Variants in PDZD2 observed in about 807,000 individuals in gnomAD.
The protein encoded by PDZD2 is PDZ domain-containing protein 2.
Under a neutral mutation model 220.7 loss-of-function variants are expected in PDZD2, and 90 were observed. That is an observed-to-expected ratio of 0.41 (90% confidence interval 0.34 to 0.49). PDZD2 has a LOEUF of 0.49. PDZD2 is among the 20% of genes least tolerant of loss of function. The pLI is 0.28. For missense variants in PDZD2, 3,174 were observed against 3,608.5 expected, an observed-to-expected ratio of 0.88 and a Z score of 3.08; for synonymous variants, 1,375 against 1,450.5, an observed-to-expected ratio of 0.95 and a Z score of 1.18.
chr5:31,833,984 C>T (rs1377532264), intron 2 of PDZD2, among the ~76,000 whole-genome samples: 1 of 152,228 alleles, frequency 6.6e-6, no homozygotes, highest in Non-Finnish European at 1.5e-5. Context: ...ATGAGGGATG[C>T]CTCAGAGGAG....
At chr5:31,772,384 C>T (rs1185465721) in intron 1 of PDZD2, among the ~76,000 whole-genome samples, 6 of 152,212 alleles carry the variant, frequency 3.9e-5, no homozygotes, top group Admixed American at 2.6e-4. Context: ...CCCTAGCCAA[C>T]AGGAGAACAA....
chr5:31,866,396 G>A lies in PDZD2; in HGVS notation c.476+66672G>A, dbSNP rs151143444. Among the ~76,000 whole-genome samples the A allele has an allele frequency of 9.3e-3, 1,412 of 152,246 alleles. 16 individuals are homozygous for A. The highest frequency in any genetic ancestry group is 0.012 in the Non-Finnish European group (842 of 68,018). ...GTTGGCAGTGCCTTCTAGTAGTGCT[G>A]CAGCTGAGCTCAGACTCTTAATTCC... On this transcript the variant is annotated intron_variant, in intron 2 of 24. Coordinates refer to ENST00000438447, the MANE Select transcript of PDZD2 (RefSeq NM_178140.4).
At chr5:31,660,179 A>G (rs1424179319) in intron 1 of PDZD2, among the ~76,000 whole-genome samples, 2 of 152,194 alleles carry the variant, frequency 1.3e-5, no homozygotes, top group African/African-American at 4.8e-5. Context: ...GCACAATTCA[A>G]CCTTTAGGGA....
intron 2 of PDZD2, among the ~76,000 whole-genome samples, chr5:31,947,871 G>A (rs1746791602): frequency 6.6e-6 from 1 of 151,820 alleles, no homozygotes; most frequent in Admixed American, 6.6e-5. Flanking sequence ...GAAAGAGAGA[G>A]AGAAGTAGGG....
chr5:31,826,639 G>T (rs1388916843), intron 2 of PDZD2, among the ~76,000 whole-genome samples: 1 of 150,274 alleles, frequency 6.7e-6, no homozygotes, highest in East Asian at 2.0e-4. Context: ...TCACGCCACT[G>T]CACTCCAGCC....
chr5:31,984,570 GGCAGCTTGTGACTGTAGTCCCA>G (rs760680271), intron 3 of PDZD2, among the ~76,000 whole-genome samples: 91 of 152,102 alleles, frequency 6.0e-4, no homozygotes, highest in African/African-American at 1.5e-3. Flanking sequence ...GGCCAGGCGC[GGCAGCTTGTGACTGTAGTCCCA>G]GCAGCTTGTG....
At chr5:31,711,063 A>C (rs1748078975) in intron 1 of PDZD2, among the ~76,000 whole-genome samples, 1 of 152,190 alleles carries the variant, frequency 6.6e-6, no homozygotes, top group Non-Finnish European at 1.5e-5. Flanking sequence ...CCAGCTGCCG[A>C]GTCTCTCTGG....
Position 32,090,430 on chromosome 5 carries a change from G to A in PDZD2, c.6982G>A (p.Glu2328Lys). 6.2e-7 allele frequency: 1 copy of A among 1,614,070 alleles called. No individual in the cohort carries two copies. The highest frequency in any genetic ancestry group is 8.5e-7 in the Non-Finnish European group (1 of 1,180,018). The change falls in exon 20 of 25, where the codon GAA (glutamate) becomes AAA (lysine). Residue 2328 changes from glutamate (E) to lysine (K), a missense_variant. Transcript: ENST00000438447. The surrounding 1 kb of genome is among the most constrained non-coding windows in gnomAD (Gnocchi z 4.3). ...CTGCTATGAGCAGAACTGGCCCCAT[G>A]AATCTACCTCATTTTTCTCTGTGAA... ...HYCYEQNWPH[E>K]STSFFSVKQR...
At chr5:31,933,384 G>A (rs895071605) in intron 2 of PDZD2, among the ~76,000 whole-genome samples, 7 of 152,172 alleles carry the variant, frequency 4.6e-5, no homozygotes, top group Non-Finnish European at 2.9e-5. Flanking sequence ...GGACAGTGCT[G>A]CTACAAATAT....
At chr5:32,040,565 A>G (rs1449875426) in intron 7 of PDZD2, among the ~76,000 whole-genome samples, 64 of 73,592 alleles carry the variant, frequency 8.7e-4, no homozygotes, top group African/African-American at 1.1e-3. Flanking sequence ...CGTCTGGGAG[A>G]TGAGGAGCGC....
At chr5:31,995,507 T>C in intron 3 of PDZD2, 69 bp from the exon 4 acceptor site, 1 of 1,549,900 alleles carries the variant, frequency 6.5e-7, no homozygotes, top group Non-Finnish European at 8.9e-7. Context: ...ACGTGACAGC[T>C]CCGTTCTCCT....
At chr5:32,077,813 C>G in intron 19 of PDZD2, 1 of 473,640 alleles carries the variant, frequency 2.1e-6, no homozygotes, top group Non-Finnish European at 3.9e-6. Flanking sequence ...AAAAATTAGC[C>G]GGGCGTGGTG....
At chr5:31,664,162 A>AGTTTT (rs750571014) in intron 1 of PDZD2, among the ~76,000 whole-genome samples, 12 of 152,004 alleles carry the variant, frequency 7.9e-5, no homozygotes, top group Non-Finnish European at 1.3e-4. Flanking sequence ...TAAACCTCCA[A>AGTTTT]GTTTTGTTTT....
intron 2 of PDZD2, among the ~76,000 whole-genome samples, chr5:31,821,321 CTGAT>C (rs1243291873): frequency 6.6e-6 from 1 of 151,602 alleles, no homozygotes; most frequent in Admixed American, 6.6e-5. Context: ...AAATTACTAT[CTGAT>C]TATCTAAATA....
At chr5:31,676,846 G>A (rs958252008) in intron 1 of PDZD2, among the ~76,000 whole-genome samples, 10 of 151,950 alleles carry the variant, frequency 6.6e-5, no homozygotes, top group African/African-American at 9.7e-5. Context: ...GAGCTACCAC[G>A]GCCGGCCCTG....
intron 2 of PDZD2, among the ~76,000 whole-genome samples, chr5:31,938,690 A>T (rs1005141809): frequency 6.6e-6 from 1 of 151,932 alleles, no homozygotes; most frequent in Non-Finnish European, 1.5e-5. Flanking sequence ...TTGCAATTAT[A>T]AAAAAAAGAC....
At chr5:31,684,141 A>G (rs572487276) in intron 1 of PDZD2, among the ~76,000 whole-genome samples, 2 of 152,280 alleles carry the variant, frequency 1.3e-5, no homozygotes, top group East Asian at 1.9e-4. Context: ...ATGCCCCCGT[A>G]CAAATTTACA....
At chr5:31,705,770 C>T (rs1013897947) in intron 1 of PDZD2, among the ~76,000 whole-genome samples, 4 of 152,168 alleles carry the variant, frequency 2.6e-5, no homozygotes, top group East Asian at 1.9e-4. Context: ...ATGAGAGGGG[C>T]CGGGCATGGT....
At chr5:31,679,769 C>A (rs528678082) in intron 1 of PDZD2, among the ~76,000 whole-genome samples, 30 of 152,284 alleles carry the variant, frequency 2.0e-4, no homozygotes, top group Middle Eastern at 3.4e-3. Flanking sequence ...CTCAGCCTCC[C>A]AAAAGTGCTG....
Sources: gnomAD v4.1 joint callset for allele counts (sites outside exome capture counted in the v4.1 genomes callset) on GRCh38, gnomAD v4.1.1 for gene constraint, Gnocchi (gnomAD v3.1) non-coding constraint, MANE v1.5 for transcripts, NCBI Gene and HGNC (gene_info 2026-07-23, HGNC 2026-07-21) for gene names.